Variants in FAM209A observed in about 807,000 individuals in gnomAD.
The protein encoded by FAM209A is protein FAM209A.
Under a neutral mutation model 9.8 loss-of-function variants are expected in FAM209A, and 4 were observed. The observed-to-expected ratio is 0.41, with a 90% CI of 0.20 to 0.94. The LOEUF (loss-of-function observed/expected upper bound fraction) is 0.94, where lower values mean the gene tolerates loss of function less well. Among genes scored for constraint, FAM209A ranks in the 40% least tolerant of loss-of-function variants. The pLI is 0.32. For synonymous variants in FAM209A, 55 were observed against 77.8 expected, an observed-to-expected ratio of 0.71 and a Z score of 1.54; for missense variants, 205 against 209.4, an observed-to-expected ratio of 0.98 and a Z score of 0.13.
At chr20:56,530,333 G>A (rs1231730736), downstream of FAM209A, among the ~76,000 whole-genome samples, 4 of 152,230 alleles carry the variant, frequency 2.6e-5, no homozygotes, top group South Asian at 2.1e-4. Context: ...TTTGTCATGT[G>A]GAGGAGCAGA....
At chr20:56,533,099 C>G in the FAM209A span, 1 of 1,357,746 alleles carries the variant, frequency 7.4e-7, no homozygotes, top group Non-Finnish European at 9.6e-7. Flanking sequence ...AATTGGCACC[C>G]CGTCGTGCCT....
chr20:56,533,432 G>A, the FAM209A span: 16 of 1,613,096 alleles, frequency 9.9e-6, 1 homozygote, highest in African/African-American at 2.7e-5. Flanking sequence ...GAAAACTAGC[G>A]AACCCCAGGG....
chr20:56,526,855 C>A (rs1353954157), downstream of FAM209A, among the ~76,000 whole-genome samples: 2 of 152,098 alleles, frequency 1.3e-5, no homozygotes, highest in African/African-American at 4.8e-5. Flanking sequence ...CTGATTGAGC[C>A]TAGGAGTTTG....
downstream of FAM209A, among the ~76,000 whole-genome samples, chr20:56,530,299 G>T (rs1985698871): frequency 6.6e-6 from 1 of 152,210 alleles, no homozygotes; most frequent in Admixed American, 6.5e-5. Flanking sequence ...CAGATGTCAG[G>T]ACAAAGGGAA....
At chr20:56,530,536 T>C (rs1985706982), downstream of FAM209A, among the ~76,000 whole-genome samples, 1 of 152,140 alleles carries the variant, frequency 6.6e-6, no homozygotes, top group Admixed American at 6.6e-5. Flanking sequence ...CTTGCTCTGT[T>C]GCCCAGGTTA....
chr20:56,533,369 C>T, the FAM209A span: 1 of 1,614,048 alleles, frequency 6.2e-7, no homozygotes, highest in African/African-American at 1.3e-5. Context: ...GTCCCTGGTC[C>T]TGCTTCTGTG....
chr20:56,526,598 G>A (rs1392889567), downstream of FAM209A, among the ~76,000 whole-genome samples: 1 of 151,312 alleles, frequency 6.6e-6, no homozygotes, highest in African/African-American at 2.4e-5. Flanking sequence ...CGTGTATATT[G>A]ACTTTTCCTT....
At chr20:56,533,464 C>T in the FAM209A span, 1 of 1,614,016 alleles carries the variant, frequency 6.2e-7, no homozygotes, top group Non-Finnish European at 8.5e-7. Context: ...GTGGAGAGCA[C>T]TTTCGGATTC....
At chr20:56,531,207 ACT>A in the FAM209A span, among the ~76,000 whole-genome samples, 2 of 149,162 alleles carry the variant, frequency 1.3e-5, no homozygotes, top group Non-Finnish European at 3.0e-5. Flanking sequence ...TTTTCTGGAC[ACT>A]CTTCCTGCAT....
downstream of FAM209A, among the ~76,000 whole-genome samples, chr20:56,526,475 G>A (rs1985535581): frequency 2.0e-5 from 3 of 152,058 alleles, no homozygotes; most frequent in Admixed American, 2.0e-4. Context: ...ACAAAAGACA[G>A]CATTAATGAT....
chr20:56,527,113 C>T (rs922362069), downstream of FAM209A, among the ~76,000 whole-genome samples: 3 of 152,136 alleles, frequency 2.0e-5, no homozygotes, highest in Non-Finnish European at 2.9e-5. Flanking sequence ...CTATTTTCCT[C>T]TCTCCTACAG....
At chr20:56,529,736 G>A (rs1985677167), downstream of FAM209A, among the ~76,000 whole-genome samples, 1 of 151,950 alleles carries the variant, frequency 6.6e-6, no homozygotes, top group African/African-American at 2.4e-5. Flanking sequence ...GGCTGAGGCA[G>A]GAGAATCTCT....
chr20:56,532,715 C>T, the FAM209A span, among the ~76,000 whole-genome samples: 2 of 151,716 alleles, frequency 1.3e-5, no homozygotes, highest in East Asian at 3.9e-4. Flanking sequence ...ATCTCTTGAC[C>T]TCGTAATCTG....
At chr20:56,532,928 C>T in the FAM209A span, among the ~76,000 whole-genome samples, 1 of 152,138 alleles carries the variant, frequency 6.6e-6, no homozygotes, top group Non-Finnish European at 1.5e-5. Context: ...TTGTAGGTAG[C>T]CTGTGGTTTA....
downstream of FAM209A, among the ~76,000 whole-genome samples, chr20:56,526,310 C>T (rs182583427): frequency 3.5e-4 from 53 of 152,194 alleles, 1 homozygote; most frequent in African/African-American, 1.2e-3. Flanking sequence ...CATAATAGTA[C>T]GTGATGAGCT....
At chr20:56,531,974 C>CTTTTTTTTT in the FAM209A span, among the ~76,000 whole-genome samples, 2 of 113,036 alleles carry the variant, frequency 1.8e-5, no homozygotes, top group Non-Finnish European at 3.5e-5. Context: ...CTTTTCTTTT[C>CTTTTTTTTT]TTTTTTTTTT....
downstream of FAM209A, among the ~76,000 whole-genome samples, chr20:56,530,756 A>ATG (rs1985717476): frequency 1.3e-5 from 2 of 150,832 alleles, no homozygotes; most frequent in Admixed American, 1.3e-4. Flanking sequence ...TGATCTGCTC[A>ATG]CATTGGCTTC....
chr20:56,525,067 G>T lies in FAM209A; in HGVS notation c.249+10G>T. The T allele has an allele frequency of 6.2e-7, 1 of 1,612,162 alleles. No homozygotes were observed. Among genetic ancestry groups the T allele is most frequent in the East Asian group, 2.2e-5 (1 of 44,856 alleles). Reference sequence around the variant, plus strand: ...CAGTGAGAAGAATAAGGTAAGGATGGCTCCATTTTTTTTACACCATATTGA... The same window carrying T: ...CAGTGAGAAGAATAAGGTAAGGATGTCTCCATTTTTTTTACACCATATTGA... On this transcript the variant is annotated intron_variant, in intron 1 of 1. Coordinates refer to ENST00000371328, the MANE Select transcript of FAM209A (RefSeq NM_001012971.4).
rs372814426 is a variant in FAM209A, at chr20:56,524,774, G to A, written c.-35G>A. 1.1e-4 allele frequency: 179 copies of A among 1,610,880 alleles called. No homozygotes were observed. The African/African-American group carries it at 1.5e-3, about 14-fold the overall frequency. ...CCCAGTTGCGAGGGCAAGCAAACCCGTCATGAGCAACTCCCTTCCCCATCT... is the reference window on the plus strand; with the variant it reads ...CCCAGTTGCGAGGGCAAGCAAACCCATCATGAGCAACTCCCTTCCCCATCT... On this transcript the variant is annotated 5_prime_UTR_variant, in exon 1 of 2. Transcript: ENST00000371328.
Sources: allele counts gnomAD v4.1 joint callset (sites outside exome capture counted in the v4.1 genomes callset), GRCh38; gene constraint gnomAD v4.1.1; transcripts MANE v1.5; gene names NCBI Gene and HGNC (gene_info 2026-07-23, HGNC 2026-07-21).